Variants in CD59 observed in about 807,000 individuals in gnomAD.
CD59 encodes the protein CD59 glycoprotein.
In CD59, 3 loss-of-function variants were observed where a neutral mutation model predicts 7.0. The ratio of observed to expected loss-of-function variants is 0.43; its 90% confidence interval spans 0.19 to 1.10. The LOEUF (loss-of-function observed/expected upper bound fraction) is 1.10, where lower values mean the gene tolerates loss of function less well. Ranked by LOEUF, CD59 falls within the 50% of genes least tolerant of loss-of-function variation. The pLI is 0.29. For missense variants in CD59, 143 were observed against 151.0 expected (o/e 0.95, Z 0.28); for synonymous variants, 60 against 62.0 (o/e 0.97, Z 0.15).
At chr11:33,726,652 A>T (rs1182282074) in intron 1 of CD59, among the ~76,000 whole-genome samples, 1 of 152,204 alleles carries the variant, frequency 6.6e-6, no homozygotes, top group Admixed American at 6.5e-5. Context: ...TCAAAAGCTA[A>T]CAGACGACAA....
chr11:33,720,552 A>T (rs1014915563), intron 2 of CD59, among the ~76,000 whole-genome samples: 6 of 152,148 alleles, frequency 3.9e-5, no homozygotes, highest in African/African-American at 1.4e-4. Context: ...TACAAAAATT[A>T]AAAAGTAAAT....
At chr11:33,723,539 G>C (rs995450987) in intron 1 of CD59, among the ~76,000 whole-genome samples, 2 of 152,204 alleles carry the variant, frequency 1.3e-5, no homozygotes, top group African/African-American at 4.8e-5. Context: ...TGGTGGAGAT[G>C]AGAAAGAGGT....
chr11:33,722,745 GA>G, intron 1 of CD59: 2 of 1,170,174 alleles, frequency 1.7e-6, no homozygotes, highest in Non-Finnish European at 2.2e-6. Flanking sequence ...TGAGCAAATT[GA>G]CTCATATAGC....
At chr11:33,730,201 G>A (rs1854375358) in intron 1 of CD59, among the ~76,000 whole-genome samples, 1 of 151,994 alleles carries the variant, frequency 6.6e-6, no homozygotes, top group African/African-American at 2.4e-5. Flanking sequence ...GGCCGAGGTG[G>A]GTGGATTGCT....
chr11:33,735,257 G>C (rs896991931), intron 1 of CD59, among the ~76,000 whole-genome samples: 2 of 152,180 alleles, frequency 1.3e-5, no homozygotes, highest in Non-Finnish European at 2.9e-5. Flanking sequence ...AGCAGCCGCC[G>C]CGTTTGTGCT....
intron 1 of CD59, among the ~76,000 whole-genome samples, chr11:33,724,634 G>A (rs1854198929): frequency 6.6e-6 from 1 of 152,122 alleles, no homozygotes; most frequent in Non-Finnish European, 1.5e-5. Context: ...GGTGAACGGT[G>A]GGAAGGCAGA....
intron 1 of CD59, among the ~76,000 whole-genome samples, chr11:33,726,254 T>C (rs1308741148): frequency 6.6e-6 from 1 of 152,212 alleles, no homozygotes; most frequent in African/African-American, 2.4e-5. Context: ...ATGGTAATTA[T>C]TCTAAAATTG....
Position 33,707,478 on chromosome 11 carries a change from C to A in CD59, c.*2648G>T, listed in dbSNP as rs1484283006. On this transcript the variant is annotated 3_prime_UTR_variant, in exon 4 of 4. Coordinates refer to ENST00000642928, the MANE Select transcript of CD59 (RefSeq NM_000611.6). Reference sequence around the variant, plus strand: ...AAATACCATGAGCTCCACTTATCTACTCATCAGGTGTTCCTTGCACCCCTA... The same window carrying A: ...AAATACCATGAGCTCCACTTATCTAATCATCAGGTGTTCCTTGCACCCCTA... The A allele has an allele frequency of 1.3e-5, 2 of 152,276 alleles. No individual in the cohort carries two copies. The highest frequency in any genetic ancestry group is 2.9e-5 in the Non-Finnish European group (2 of 68,070). 9.4% of individuals were successfully genotyped at this position (152,276 alleles called of 1,614,324 possible).
chr11:33,716,765 C>A (rs941283907), intron 3 of CD59, among the ~76,000 whole-genome samples: 1 of 152,172 alleles, frequency 6.6e-6, no homozygotes, highest in South Asian at 2.1e-4. Context: ...CTGAGGCTAC[C>A]GAGCCCTGGC....
chr11:33,703,318 C>T lies in CD59; in HGVS notation c.*6808G>A, dbSNP rs562008849. 23 of 152,228 alleles carry T rather than the reference C, an allele frequency of 1.5e-4. No homozygotes were observed. Among genetic ancestry groups the T allele is most frequent in the African/African-American group, 5.1e-4 (21 of 41,522 alleles). 9.4% of individuals were successfully genotyped at this position (152,228 alleles called of 1,614,324 possible). On this transcript the variant is annotated 3_prime_UTR_variant, in exon 4 of 4. Coordinates refer to ENST00000642928, the MANE Select transcript of CD59 (RefSeq NM_000611.6). ...TCCCTATGAGGTAATAATAAACCCACGAGGTTAAGGCAAAACCCTACGGTT... is the reference window on the plus strand; with the variant it reads ...TCCCTATGAGGTAATAATAAACCCATGAGGTTAAGGCAAAACCCTACGGTT...
intron 2 of CD59, 82 bp downstream of exon 2, chr11:33,722,297 A>G (rs1854103216): frequency 9.8e-6 from 10 of 1,023,174 alleles, no homozygotes. Flanking sequence ...CTGGAGGAGC[A>G]GCTGGGGCTG....
At position 33,710,718 on chromosome 11, in the gene CD59, CTT is replaced by C. The variant is rs1491114588; in HGVS notation, c.170-377_170-376del. On this transcript the variant is annotated intron_variant, in intron 3 of 3. Coordinates refer to ENST00000642928, the MANE Select transcript of CD59 (RefSeq NM_000611.6). ...AGTTACTTGGGGATTTTTTCCTTTT[CTT>C]TTCTTTTTTTTTTTTAGAGAGATAA... 4.9e-3 allele frequency among the ~76,000 whole-genome samples: 668 copies of C among 136,180 alleles called. 8 individuals carry two copies. Among genetic ancestry groups the C allele is most frequent in the African/African-American group, 0.021 (647 of 30,560 alleles). 89.3% of individuals were successfully genotyped at this position (136,180 alleles called of 152,430 possible).
chr11:33,722,516 TG>T, intron 1 of CD59, 53 bp from the exon 2 acceptor site: 1 of 1,605,568 alleles, frequency 6.2e-7, no homozygotes, highest in Non-Finnish European at 8.5e-7. Context: ...GACTGCTGGT[TG>T]TCTCAAAAAC....
chr11:33,708,435 T>TCTGGAGTGTGGCTG lies in CD59; in HGVS notation c.*1677_*1690dup, dbSNP rs1344561774. 6.6e-6 allele frequency: 1 copy of TCTGGAGTGTGGCTG among 152,108 alleles called. No individual in the cohort carries two copies. Among genetic ancestry groups the TCTGGAGTGTGGCTG allele is most frequent in the Non-Finnish European group, 1.5e-5 (1 of 68,082 alleles). The allele number at this position is 152,108 out of a possible 1,614,324, so 9.4% of individuals were successfully genotyped here. A position where few individuals can be genotyped will look rare whatever the true frequency, so the allele number is the denominator to read the frequency against. On this transcript the variant is annotated 3_prime_UTR_variant, in exon 4 of 4. Transcript: ENST00000642928. ...TTCCAAAACTGTCGACTCCTGGCTT[T>TCTGGAGTGTGGCTG]CTGGAGTGTGGCTGAATTCCCCACC... is the stretch of plus-strand genomic sequence containing the variant.
chr11:33,722,262 G>T, intron 2 of CD59, 117 bp downstream of exon 2: 3 of 779,802 alleles, frequency 3.8e-6, no homozygotes, highest in Non-Finnish European at 6.9e-6. Flanking sequence ...TGTAACACTG[G>T]AAGGCAAAAG....
intron 3 of CD59, among the ~76,000 whole-genome samples, chr11:33,712,733 T>G (rs1853614065): frequency 1.3e-5 from 2 of 152,208 alleles, no homozygotes; most frequent in Non-Finnish European, 2.9e-5. Context: ...GTAAATATAC[T>G]AAGAGCCACT....
At chr11:33,735,804 T>A (rs1194115035) in intron 1 of CD59, among the ~76,000 whole-genome samples, 1 of 151,764 alleles carries the variant, frequency 6.6e-6, no homozygotes, top group East Asian at 1.9e-4. Context: ...TAATCCCAGC[T>A]ACTCAGGAGG....
chr11:33,718,378 G>C (rs1853896192), intron 2 of CD59: 1 of 152,266 alleles, frequency 6.6e-6, no homozygotes, highest in Non-Finnish European at 1.5e-5. Flanking sequence ...AGCTACTTGG[G>C]AGGCTGAGGC....
chr11:33,717,377 G>T lies in CD59; in HGVS notation c.162C>A (p.Thr54=). ...CSSDFDACLI[T]KAGLQVYNKC... ...GACAGGGGAGGCTCTTACCAGCTTT[G>T]GTAATGAGACACGCATCAAAATCAG... The change falls in exon 3 of 4, where the codon ACC becomes ACA. Residue 54 remains threonine (T), a synonymous_variant. Transcript: ENST00000642928. 6.2e-7 allele frequency: 1 copy of T among 1,607,706 alleles called. No homozygotes were observed. Among genetic ancestry groups the T allele is most frequent in the South Asian group, 1.1e-5 (1 of 90,892 alleles).
Sources: gnomAD v4.1 joint callset for allele counts (sites outside exome capture counted in the v4.1 genomes callset) on GRCh38, gnomAD v4.1.1 for gene constraint, MANE v1.5 for transcripts, NCBI Gene and HGNC (gene_info 2026-07-23, HGNC 2026-07-21) for gene names.